NKAIN2: variants seen among roughly 807,000 people sequenced by gnomAD.
NKAIN2 encodes the protein sodium/potassium transporting ATPase interacting 2.
A neutral mutation model predicts 32.6 loss-of-function variants in NKAIN2; 14 were observed. The ratio of observed to expected loss-of-function variants is 0.43; its 90% CI spans 0.28 to 0.67. The LOEUF (loss-of-function observed/expected upper bound fraction) is 0.67. NKAIN2 is among the 30% of genes least tolerant of loss of function. NKAIN2 has a pLI of 0.17. For missense variants in NKAIN2, 198 were observed against 258.3 expected (o/e 0.77, Z 1.60); for synonymous variants, 80 against 87.2 (o/e 0.92, Z 0.46).
chr6:123,982,192 G>A (rs1322631780), intron 1 of NKAIN2, among the ~76,000 whole-genome samples: 2 of 152,092 alleles, frequency 1.3e-5, no homozygotes, highest in Admixed American at 6.5e-5. Flanking sequence ...ATGCGAGGCA[G>A]ACCCATGTCA....
intron 1 of NKAIN2, among the ~76,000 whole-genome samples, chr6:123,880,504 C>A (rs1773399942): frequency 6.6e-6 from 1 of 152,042 alleles, no homozygotes; most frequent in African/African-American, 2.4e-5. Context: ...AGCTGTAGCA[C>A]CATTACTGGT....
chr6:124,660,229 C>T (rs1167179945), intron 4 of NKAIN2, among the ~76,000 whole-genome samples: 2 of 152,010 alleles, frequency 1.3e-5, no homozygotes, highest in African/African-American at 2.4e-5. Context: ...GGAAAATTTC[C>T]ACCTATGTTT....
At chr6:124,712,622 A>G (rs1775553481) in intron 4 of NKAIN2, among the ~76,000 whole-genome samples, 1 of 149,138 alleles carries the variant, frequency 6.7e-6, no homozygotes, top group South Asian at 2.1e-4. Flanking sequence ...CGGAAAGGGA[A>G]CTCCCTGACC....
chr6:124,118,181 T>G (rs1785707541), intron 1 of NKAIN2, among the ~76,000 whole-genome samples: 1 of 152,168 alleles, frequency 6.6e-6, no homozygotes, highest in Non-Finnish European at 1.5e-5. Context: ...TTTCAGGTCT[T>G]TTTCTTTAGA....
chr6:124,422,167 A>G (rs1471679611), intron 3 of NKAIN2, among the ~76,000 whole-genome samples: 1 of 152,118 alleles, frequency 6.6e-6, no homozygotes, highest in Non-Finnish European at 1.5e-5. Flanking sequence ...TTAATTTAGT[A>G]TATGTCAGTT....
At chr6:124,524,670 A>G (rs1008597708) in intron 3 of NKAIN2, among the ~76,000 whole-genome samples, 6 of 152,200 alleles carry the variant, frequency 3.9e-5, no homozygotes, top group Non-Finnish European at 8.8e-5. Context: ...GAAATATCCC[A>G]AACTGACAGA....
rs147969860 is a variant in NKAIN2 at position 124,181,896 on chromosome 6, C to T, written c.55-101109C>T. On this transcript the variant is annotated intron_variant, in intron 1 of 6. Coordinates refer to ENST00000368417, the MANE Select transcript of NKAIN2 (RefSeq NM_001040214.3). ...TGAGCCCTTCAAACTGTTCCAACCT[C>T]TTCCTGTTACCCAGTTCCAAAGTCA... Among the ~76,000 whole-genome samples, 808 of 152,300 alleles carry T rather than the reference C, an allele frequency of 5.3e-3. 13 individuals carry two copies. The highest frequency in any genetic ancestry group is 0.019 in the African/African-American group (793 of 41,568).
At chr6:124,400,430 G>A (rs1484273602) in intron 3 of NKAIN2, among the ~76,000 whole-genome samples, 1 of 152,046 alleles carries the variant, frequency 6.6e-6, no homozygotes, top group Non-Finnish European at 1.5e-5. Flanking sequence ...ATTGGGAAAA[G>A]GAACTGGATT....
At chr6:124,076,521 G>A (rs978537787) in intron 1 of NKAIN2, among the ~76,000 whole-genome samples, 1 of 152,208 alleles carries the variant, frequency 6.6e-6, no homozygotes, top group African/African-American at 2.4e-5. Flanking sequence ...GTCAAGAGCT[G>A]ATGAAGGAAA....
intron 2 of NKAIN2, among the ~76,000 whole-genome samples, chr6:124,292,287 C>G (rs1175014704): frequency 6.6e-6 from 1 of 152,064 alleles, no homozygotes; most frequent in Non-Finnish European, 1.5e-5. Flanking sequence ...CTTTCTCCTC[C>G]ATACATATTA....
chr6:124,108,730 T>G (rs1022978795), intron 1 of NKAIN2, among the ~76,000 whole-genome samples: 1 of 152,038 alleles, frequency 6.6e-6, no homozygotes, highest in Non-Finnish European at 1.5e-5. Flanking sequence ...TCATATAAGA[T>G]AGGGTTTAAT....
At chr6:124,548,722 G>GA (rs1339870078) in intron 3 of NKAIN2, among the ~76,000 whole-genome samples, 1 of 152,078 alleles carries the variant, frequency 6.6e-6, no homozygotes, top group East Asian at 1.9e-4. Flanking sequence ...TACAGAGAAG[G>GA]AAAAAATGCA....
intron 3 of NKAIN2, chr6:124,490,418 T>G (rs914525159): frequency 2.7e-5 from 11 of 413,190 alleles, no homozygotes; most frequent in Non-Finnish European, 4.7e-5. Flanking sequence ...AGAGGTTTTT[T>G]TTTTTTTTTT....
intron 1 of NKAIN2, among the ~76,000 whole-genome samples, chr6:123,826,809 G>T (rs1242415084): frequency 6.6e-6 from 1 of 152,108 alleles, no homozygotes; most frequent in Non-Finnish European, 1.5e-5. Context: ...GAATATAGGT[G>T]TACAAGTATC....
chr6:124,116,487 A>G (rs1332998946), intron 1 of NKAIN2, among the ~76,000 whole-genome samples: 1 of 152,152 alleles, frequency 6.6e-6, no homozygotes. Context: ...TTTATCATTT[A>G]AAAGCATCTT....
intron 2 of NKAIN2, among the ~76,000 whole-genome samples, chr6:124,350,552 G>A (rs933654969): frequency 6.6e-6 from 1 of 152,140 alleles, no homozygotes; most frequent in African/African-American, 2.4e-5. Flanking sequence ...TGATGCACAA[G>A]TAGCAATTAC....
intron 3 of NKAIN2, among the ~76,000 whole-genome samples, chr6:124,358,792 C>T (rs553534735): frequency 6.6e-6 from 1 of 150,992 alleles, no homozygotes; most frequent in Non-Finnish European, 1.5e-5. Flanking sequence ...TCCCATTTGT[C>T]AATTTTGGCT....
chr6:124,334,022 T>C (rs955111708), intron 2 of NKAIN2, among the ~76,000 whole-genome samples: 6 of 152,218 alleles, frequency 3.9e-5, no homozygotes, highest in Admixed American at 2.0e-4. Flanking sequence ...CCATGATAAT[T>C]TACTTTAGCT....
rs1337046347 is a variant in NKAIN2 at position 124,616,802 on chromosome 6, T to G, written c.274-41384T>G. 2.0e-5 allele frequency among the ~76,000 whole-genome samples: 3 copies of G among 152,226 alleles called. No individual in the cohort carries two copies. The East Asian group carries it at 5.8e-4, about 29-fold the overall frequency. Reference sequence around the variant, plus strand: ...AACTTTTCTTACTCCATGTTGAAATTTATTGAAGCCCCTTGCTTGCCATCC... The same window carrying G: ...AACTTTTCTTACTCCATGTTGAAATGTATTGAAGCCCCTTGCTTGCCATCC... On this transcript the variant is annotated intron_variant, in intron 3 of 6. Coordinates refer to ENST00000368417, the MANE Select transcript of NKAIN2 (RefSeq NM_001040214.3).
Sources: gnomAD v4.1 joint callset for allele counts (sites outside exome capture counted in the v4.1 genomes callset) on GRCh38, gnomAD v4.1.1 for gene constraint, MANE v1.5 for transcripts, NCBI Gene and HGNC (gene_info 2026-07-23, HGNC 2026-07-21) for gene names.